The following CCDC91 variants were observed in gnomAD, a reference collection of about 807,000 sequenced individuals.
CCDC91 encodes the protein coiled-coil domain containing 91.
A neutral mutation model predicts 63.2 loss-of-function variants in CCDC91; 48 were observed. The observed-to-expected ratio is 0.76, with a 90% CI of 0.60 to 0.97. The LOEUF (loss-of-function observed/expected upper bound fraction) is 0.97, where lower values mean the gene tolerates loss of function less well. Ranked by LOEUF, CCDC91 falls within the 50% of genes least tolerant of loss-of-function variation. The probability of loss-of-function intolerance (pLI) is 0.00; values close to 1 mark genes in which losing one functional copy is unlikely to be tolerated. For missense variants in CCDC91, 500 were observed against 494.6 expected, an observed-to-expected ratio of 1.01 and a Z score of -0.10; for synonymous variants, 167 against 165.8, an observed-to-expected ratio of 1.01 and a Z score of -0.06.
intron 3 of CCDC91, among the ~76,000 whole-genome samples, chr12:28,291,338 G>A (rs934228819): frequency 3.1e-4 from 47 of 152,158 alleles, no homozygotes; most frequent in African/African-American, 1.1e-3. Flanking sequence ...GGCTCAATTC[G>A]TTCAACTTTT....
At chr12:28,543,328 G>A (rs1326348672) in intron 12 of CCDC91, among the ~76,000 whole-genome samples, 1 of 152,034 alleles carries the variant, frequency 6.6e-6, no homozygotes, top group Non-Finnish European at 1.5e-5. Context: ...CTGTTGAATC[G>A]AATATCCCAC....
intron 11 of CCDC91, among the ~76,000 whole-genome samples, chr12:28,459,130 G>A (rs1053678898): frequency 2.6e-5 from 4 of 151,926 alleles, no homozygotes; most frequent in African/African-American, 9.7e-5. Context: ...GGTTCATACT[G>A]CACCATCAGC....
chr12:28,248,106 T>C (rs1335252764), intron 1 of CCDC91, among the ~76,000 whole-genome samples: 1 of 152,116 alleles, frequency 6.6e-6, no homozygotes. Context: ...GTGATTGATT[T>C]TATATATGGG....
At chr12:28,201,545 T>A (rs60333429) in intron 1 of CCDC91, among the ~76,000 whole-genome samples, 1 of 111,186 alleles carries the variant, frequency 9.0e-6, no homozygotes, top group Admixed American at 8.9e-5. Flanking sequence ...CTTTCCAGAC[T>A]GGGCAGCCAG....
intron 1 of CCDC91, chr12:28,236,831 T>A (rs1944979441): frequency 6.6e-6 from 1 of 152,138 alleles, no homozygotes; most frequent in South Asian, 2.1e-4. Context: ...TAGTATGATG[T>A]TTGTGAGATT....
chr12:28,252,061 A>G (rs1464689408), intron 1 of CCDC91, among the ~76,000 whole-genome samples: 1 of 152,160 alleles, frequency 6.6e-6, no homozygotes, highest in African/African-American at 2.4e-5. Context: ...TTGAATATAG[A>G]ATTCCATGCT....
chr12:28,436,275 C>G (rs1397575857), intron 8 of CCDC91, among the ~76,000 whole-genome samples: 1 of 150,638 alleles, frequency 6.6e-6, no homozygotes, highest in Non-Finnish European at 1.5e-5. Context: ...TTTTAAATTT[C>G]TTTTTATGGT....
At chr12:28,308,421 T>C (rs1938973190) in intron 6 of CCDC91, among the ~76,000 whole-genome samples, 1 of 152,026 alleles carries the variant, frequency 6.6e-6, no homozygotes, top group Non-Finnish European at 1.5e-5. Context: ...ATTCCCCCCA[T>C]TGCAGCCACT....
chr12:28,383,939 A>C (rs1445186892), intron 7 of CCDC91, among the ~76,000 whole-genome samples: 1 of 152,134 alleles, frequency 6.6e-6, no homozygotes, highest in East Asian at 1.9e-4. Context: ...TCAAGCTATC[A>C]GTTTATTCTT....
intron 12 of CCDC91, among the ~76,000 whole-genome samples, chr12:28,543,264 A>G (rs1942757926): frequency 6.6e-6 from 1 of 152,132 alleles, no homozygotes; most frequent in Non-Finnish European, 1.5e-5. Flanking sequence ...GTGTGGGGGT[A>G]GGACTTGAAC....
intron 3 of CCDC91, among the ~76,000 whole-genome samples, chr12:28,261,819 C>T (rs1946838779): frequency 1.3e-5 from 2 of 151,736 alleles, no homozygotes; most frequent in South Asian, 4.1e-4. Context: ...AAGGACAAAT[C>T]ATCTGGCACA....
At position 28,450,533 on chromosome 12, in the gene CCDC91, ATTTC is replaced by A. The variant is rs555737309; in HGVS notation, c.924+119_924+122del. The A allele has an allele frequency of 2.4e-3, 1,718 of 723,116 alleles. 3 individuals carry two copies. Among genetic ancestry groups the A allele is most frequent in the Non-Finnish European group, 3.3e-3 (1,402 of 430,696 alleles). 44.8% of individuals were successfully genotyped at this position (723,116 alleles called of 1,614,324 possible). On this transcript the variant is annotated intron_variant, in intron 10 of 12. Coordinates refer to ENST00000536442, the MANE Select transcript of CCDC91 (RefSeq NM_018318.5). ...GTTTCATTCCATAAAAATCGTTTTT[ATTTC>A]TTTTATTTACTTTTAAACTTAAGAT...
intron 3 of CCDC91, among the ~76,000 whole-genome samples, chr12:28,298,881 C>T (rs1937731471): frequency 6.6e-6 from 1 of 151,364 alleles, no homozygotes; most frequent in African/African-American, 2.4e-5. Context: ...CAAATTTTGT[C>T]TCTAAGATTC....
At chr12:28,383,676 T>C (rs182262550) in intron 7 of CCDC91, among the ~76,000 whole-genome samples, 47 of 152,258 alleles carry the variant, frequency 3.1e-4, no homozygotes, top group African/African-American at 1.1e-3. Flanking sequence ...TAAATCTAAA[T>C]TGAGTGTTTG....
intron 11 of CCDC91, among the ~76,000 whole-genome samples, chr12:28,460,945 T>C (rs1950278037): frequency 6.6e-6 from 1 of 151,972 alleles, no homozygotes; most frequent in Non-Finnish European, 1.5e-5. Context: ...GGAGATTTTG[T>C]AATGCAAATC....
intron 3 of CCDC91, among the ~76,000 whole-genome samples, chr12:28,304,202 C>G (rs1425657549): frequency 6.6e-6 from 1 of 151,052 alleles, no homozygotes; most frequent in Non-Finnish European, 1.5e-5. Context: ...CATGGTGAAA[C>G]CCCATCTCTA....
chr12:28,506,326 G>T (rs747378762), intron 12 of CCDC91, among the ~76,000 whole-genome samples: 1 of 151,870 alleles, frequency 6.6e-6, no homozygotes. Flanking sequence ...ACTGGCCAGG[G>T]CACCATTACT....
chr12:28,294,952 A>G (rs1345142377), intron 3 of CCDC91, among the ~76,000 whole-genome samples: 1 of 152,204 alleles, frequency 6.6e-6, no homozygotes, highest in South Asian at 2.1e-4. Flanking sequence ...GAATGAATTA[A>G]TAGTCATGTA....
chr12:28,432,993 T>C (rs1032766244), intron 8 of CCDC91, among the ~76,000 whole-genome samples: 7 of 152,096 alleles, frequency 4.6e-5, no homozygotes, highest in Admixed American at 3.3e-4. Flanking sequence ...TCTTTTCATA[T>C]GCTTATTGCC....
Sources: gnomAD v4.1 joint callset for allele counts (sites outside exome capture counted in the v4.1 genomes callset) on GRCh38, gnomAD v4.1.1 for gene constraint, MANE v1.5 for transcripts, NCBI Gene and HGNC (gene_info 2026-07-23, HGNC 2026-07-21) for gene names.